Variants in RBFOX3 observed in about 807,000 individuals in gnomAD.
RBFOX3 encodes the protein RNA binding fox-1 homolog 3.
A neutral mutation model predicts 48.7 loss-of-function variants in RBFOX3; 17 were observed. The observed-to-expected ratio is 0.35, with a 90% CI of 0.24 to 0.52. The LOEUF (loss-of-function observed/expected upper bound fraction) is 0.52. Ranked by LOEUF, RBFOX3 falls within the 20% of genes least tolerant of loss-of-function variation. The pLI is 0.94. For synonymous variants in RBFOX3, 212 were observed against 209.5 expected, an observed-to-expected ratio of 1.01 and a Z score of -0.10; for missense variants, 382 against 497.5, an observed-to-expected ratio of 0.77 and a Z score of 2.21.
chr17:79,510,292 C>A (rs1382601057), intron 1 of RBFOX3, among the ~76,000 whole-genome samples: 1 of 152,212 alleles, frequency 6.6e-6, no homozygotes, highest in Non-Finnish European at 1.5e-5. Flanking sequence ...CAAGCCCTGT[C>A]CCGCCAAGCC....
intron 4 of RBFOX3, among the ~76,000 whole-genome samples, chr17:79,131,453 G>A (rs1015420760): frequency 1.3e-5 from 2 of 152,178 alleles, no homozygotes; most frequent in Non-Finnish European, 2.9e-5. Flanking sequence ...CCCACGGCGT[G>A]AGCCCACCTG....
the RBFOX3 span, among the ~76,000 whole-genome samples, chr17:79,628,792 GA>G: frequency 6.6e-6 from 1 of 152,002 alleles, no homozygotes; most frequent in African/African-American, 2.4e-5. Flanking sequence ...TTGTCTATTT[GA>G]TGATAAATAG....
chr17:79,620,192 T>C, the RBFOX3 span, among the ~76,000 whole-genome samples: 39 of 128,488 alleles, frequency 3.0e-4, no homozygotes, highest in South Asian at 6.1e-3. Flanking sequence ...CATGTGCACA[T>C]GCACACACGT....
At chr17:79,626,122 G>A in the RBFOX3 span, among the ~76,000 whole-genome samples, 1 of 152,274 alleles carries the variant, frequency 6.6e-6, no homozygotes, top group East Asian at 1.9e-4. Context: ...TAGTTTACAT[G>A]ACAGTGGGAG....
intron 1 of RBFOX3, among the ~76,000 whole-genome samples, chr17:79,582,634 C>CA (rs1451338323): frequency 4.6e-5 from 7 of 151,942 alleles, no homozygotes; most frequent in African/African-American, 1.4e-4. Flanking sequence ...CTCATCTCTA[C>CA]AAAAAATACA....
chr17:79,195,706 C>A lies in RBFOX3; in HGVS notation c.-34+40060G>T, dbSNP rs555826714. Among the ~76,000 whole-genome samples the A allele has an allele frequency of 3.3e-5, 5 of 152,336 alleles. 1 individual carries two copies. Among genetic ancestry groups the A allele is most frequent in the African/African-American group, 1.2e-4 (5 of 41,568 alleles). ...GGGTGGCTTTCCTTCTGTGCTCCCT[C>A]CCCTACGACCGGACAGCACCAGGAA... On this transcript the variant is annotated intron_variant, in intron 4 of 14. Coordinates refer to ENST00000693108, the MANE Select transcript of RBFOX3 (RefSeq NM_001350451.2). The surrounding 1 kb of genome is among the most constrained non-coding windows in gnomAD (Gnocchi z 5.3).
At chr17:79,508,945 A>T (rs2149819607) in intron 1 of RBFOX3, 1 of 152,454 alleles carries the variant, frequency 6.6e-6, no homozygotes, top group South Asian at 2.1e-4. Context: ...CCACACCCCC[A>T]GTCCACATCA....
intron 4 of RBFOX3, among the ~76,000 whole-genome samples, chr17:79,136,744 T>A (rs1276851366): frequency 6.6e-6 from 1 of 152,158 alleles, no homozygotes; most frequent in African/African-American, 2.4e-5. Flanking sequence ...TCCTCTCAAA[T>A]GCCTGCCCCA....
intron 5 of RBFOX3, among the ~76,000 whole-genome samples, chr17:79,107,009 G>A (rs1347646124): frequency 1.3e-5 from 2 of 152,130 alleles, no homozygotes; most frequent in African/African-American, 4.8e-5. Flanking sequence ...CTAGGCCTTC[G>A]CCCAAACTGT....
At chr17:79,625,162 C>T in the RBFOX3 span, among the ~76,000 whole-genome samples, 13 of 152,150 alleles carry the variant, frequency 8.5e-5, no homozygotes, top group African/African-American at 2.9e-4. Context: ...CTCCTCCTCC[C>T]TCTCCCTGTA....
At chr17:79,152,174 G>A (rs9789018) in intron 4 of RBFOX3, among the ~76,000 whole-genome samples, 97,525 of 151,524 alleles carry the variant, frequency 0.64, 31,731 homozygotes, top group Non-Finnish European at 0.69. Flanking sequence ...GAGGGGCCAG[G>A]GTTGGGGAGC....
chr17:79,277,194 C>T (rs1228122075), intron 3 of RBFOX3, among the ~76,000 whole-genome samples: 1 of 151,520 alleles, frequency 6.6e-6, no homozygotes, highest in African/African-American at 2.4e-5. Flanking sequence ...CCACTGGGTT[C>T]AGGCTCTGTA....
Position 79,090,352 on chromosome 17 carries a change from G to A in RBFOX3, c.*531C>T, listed in dbSNP as rs1389930411. ...GCAGGGGACGCGACAGGAGGGTGAC[G>A]GGGCCCAGTGGAGCCCCTGGGATGA... On this transcript the variant is annotated 3_prime_UTR_variant, in exon 15 of 15. Transcript: ENST00000693108. 3 of 153,130 alleles carry A rather than the reference G, an allele frequency of 2.0e-5. No homozygotes were observed. Among genetic ancestry groups the A allele is most frequent in the East Asian group, 1.9e-4 (1 of 5,216 alleles). 9.5% of individuals were successfully genotyped at this position (153,130 alleles called of 1,614,324 possible). A position where few individuals can be genotyped will look rare whatever the true frequency, so the allele number is the denominator to read the frequency against.
intron 1 of RBFOX3, among the ~76,000 whole-genome samples, chr17:79,523,285 G>T (rs1024945602): frequency 6.6e-6 from 1 of 152,132 alleles, no homozygotes; most frequent in Admixed American, 6.5e-5. Flanking sequence ...AAACGGTTAC[G>T]ACGGCAAATT....
chr17:79,165,479 T>C (rs180690106), intron 4 of RBFOX3, among the ~76,000 whole-genome samples: 2 of 152,138 alleles, frequency 1.3e-5, no homozygotes, highest in African/African-American at 2.4e-5. Flanking sequence ...CCCATCCCTC[T>C]GGGGGACAGG....
intron 4 of RBFOX3, among the ~76,000 whole-genome samples, chr17:79,137,646 C>G (rs1217673068): frequency 1.3e-5 from 2 of 148,248 alleles, no homozygotes; most frequent in Non-Finnish European, 3.0e-5. Flanking sequence ...TGGCCTGGCC[C>G]GGGCACGCGG....
chr17:79,416,655 C>T (rs1029189224), intron 2 of RBFOX3, among the ~76,000 whole-genome samples: 2 of 152,196 alleles, frequency 1.3e-5, no homozygotes, highest in African/African-American at 2.4e-5. Flanking sequence ...AAGTGGAGGC[C>T]GGCCCTCCCC....
intron 2 of RBFOX3, among the ~76,000 whole-genome samples, chr17:79,448,670 C>G (rs1451071097): frequency 6.6e-6 from 1 of 152,088 alleles, no homozygotes; most frequent in Admixed American, 6.5e-5. Flanking sequence ...TGTTTTAGGC[C>G]CCCAGAAAGC....
the RBFOX3 span, among the ~76,000 whole-genome samples, chr17:79,619,701 C>G: frequency 6.6e-6 from 1 of 152,204 alleles, no homozygotes; most frequent in Non-Finnish European, 1.5e-5. Flanking sequence ...AGGCAGGCTC[C>G]GGGGCAGGTG....
Sources: allele counts gnomAD v4.1 joint callset (sites outside exome capture counted in the v4.1 genomes callset), GRCh38; gene constraint gnomAD v4.1.1; non-coding constraint Gnocchi (gnomAD v3.1); transcripts MANE v1.5; gene names NCBI Gene and HGNC (gene_info 2026-07-23, HGNC 2026-07-21).